Variants in CECR2 observed in about 807,000 individuals in gnomAD.
The protein encoded by CECR2 is chromatin remodeling regulator CECR2.
In CECR2, 30 loss-of-function variants were observed where a neutral mutation model predicts 154.5. The ratio of observed to expected loss-of-function variants is 0.19; its 90% CI spans 0.15 to 0.26. CECR2 has a LOEUF of 0.26. Among genes scored for constraint, CECR2 ranks in the 10% least tolerant of loss-of-function variants. The probability of loss-of-function intolerance (pLI) is 1.00; values close to 1 mark genes in which losing one functional copy is unlikely to be tolerated. For synonymous variants in CECR2, 725 were observed against 683.7 expected, an observed-to-expected ratio of 1.06 and a Z score of -0.94; for missense variants, 1,743 against 1,829.3, an observed-to-expected ratio of 0.95 and a Z score of 0.86.
At chr22:17,516,931 G>A (rs1017744797) in intron 8 of CECR2, among the ~76,000 whole-genome samples, 2 of 148,590 alleles carry the variant, frequency 1.3e-5, no homozygotes, top group Admixed American at 6.7e-5. Flanking sequence ...GTTTTTTTGA[G>A]ACGGAGTCTC....
intron 1 of CECR2, among the ~76,000 whole-genome samples, chr22:17,384,582 T>C (rs1569046372): frequency 6.6e-6 from 1 of 152,196 alleles, no homozygotes; most frequent in Non-Finnish European, 1.5e-5. Context: ...TTCTGAGCAG[T>C]AGGTCTCAAA....
intron 1 of CECR2, among the ~76,000 whole-genome samples, chr22:17,384,609 T>C (rs2063237544): frequency 6.6e-6 from 1 of 152,234 alleles, no homozygotes; most frequent in Non-Finnish European, 1.5e-5. Context: ...CTTAAAATAC[T>C]GACTAAACCA....
At chr22:17,422,602 T>C (rs1380051552) in intron 1 of CECR2, among the ~76,000 whole-genome samples, 2 of 152,214 alleles carry the variant, frequency 1.3e-5, no homozygotes, top group Non-Finnish European at 2.9e-5. Flanking sequence ...TTGTTTTAAA[T>C]ATTTCTTCTC....
At chr22:17,502,044 A>G (rs1284300215) in intron 5 of CECR2, among the ~76,000 whole-genome samples, 3 of 152,240 alleles carry the variant, frequency 2.0e-5, no homozygotes, top group African/African-American at 4.8e-5. Context: ...TCTCATAGAA[A>G]CTTTAATCGA....
chr22:17,505,389 T>C (rs935060353), intron 7 of CECR2, among the ~76,000 whole-genome samples: 8 of 152,074 alleles, frequency 5.3e-5, no homozygotes, highest in East Asian at 1.9e-4. Context: ...GTAGCTCCAT[T>C]GCCAGCCCTT....
At chr22:17,496,679 C>T (rs1242565321) in intron 2 of CECR2, among the ~76,000 whole-genome samples, 1 of 152,176 alleles carries the variant, frequency 6.6e-6, no homozygotes, top group Admixed American at 6.5e-5. Flanking sequence ...GTTAGGCCAA[C>T]TATGCGTTTC....
At chr22:17,454,708 T>C (rs2054827511) in intron 1 of CECR2, among the ~76,000 whole-genome samples, 2 of 152,092 alleles carry the variant, frequency 1.3e-5, no homozygotes, top group Non-Finnish European at 2.9e-5. Flanking sequence ...TAGTATCTTA[T>C]GAATGTGACA....
chr22:17,493,258 T>G (rs966996863), intron 2 of CECR2, among the ~76,000 whole-genome samples: 3 of 152,124 alleles, frequency 2.0e-5, no homozygotes, highest in African/African-American at 7.2e-5. Flanking sequence ...CGGCGTGAGC[T>G]ACTGCGCCCG....
chr22:17,458,486 C>G (rs1452353416), intron 1 of CECR2, among the ~76,000 whole-genome samples: 1 of 148,440 alleles, frequency 6.7e-6, no homozygotes, highest in Non-Finnish European at 1.5e-5. Flanking sequence ...AGTTTTAATA[C>G]GGTGGGTAAA....
At chr22:17,501,258 A>G (rs1443020890) in intron 5 of CECR2, among the ~76,000 whole-genome samples, 1 of 152,132 alleles carries the variant, frequency 6.6e-6, no homozygotes, top group Non-Finnish European at 1.5e-5. Context: ...ACTTAATCTA[A>G]ATGCTTGAGT....
At chr22:17,551,674 G>A (rs1230842950) in intron 17 of CECR2, among the ~76,000 whole-genome samples, 1 of 152,028 alleles carries the variant, frequency 6.6e-6, no homozygotes, top group East Asian at 1.9e-4. Context: ...AGCCAGGCAT[G>A]GTAGCACACA....
intron 9 of CECR2, among the ~76,000 whole-genome samples, chr22:17,528,575 G>GA (rs2056303029): frequency 6.6e-6 from 1 of 150,766 alleles, no homozygotes; most frequent in South Asian, 2.1e-4. Context: ...TCACTCTTTT[G>GA]CCCAGGCTAG....
intron 1 of CECR2, among the ~76,000 whole-genome samples, chr22:17,383,545 A>G (rs1253285332): frequency 6.6e-6 from 1 of 151,936 alleles, no homozygotes; most frequent in Non-Finnish European, 1.5e-5. Flanking sequence ...ATAAGAACCA[A>G]CTCCTTTTAA....
chr22:17,516,537 T>C (rs1452628503), intron 8 of CECR2, among the ~76,000 whole-genome samples: 1 of 152,162 alleles, frequency 6.6e-6, no homozygotes, highest in Non-Finnish European at 1.5e-5. Flanking sequence ...TGATGAATCA[T>C]GGGATGGACT....
Position 17,540,713 on chromosome 22 carries a change from G to A in CECR2, c.1797G>A (p.Arg599=), listed in dbSNP as rs1569152265. The A allele has an allele frequency of 6.2e-7, 1 of 1,613,160 alleles. No homozygotes were observed. The highest frequency in any genetic ancestry group is 8.5e-7 in the Non-Finnish European group (1 of 1,179,488). ...DQSSSSTQPP[R]EVGTSNGRGF... ...GCAGCAGCTCCACACAGCCCCCGCG[G>A]GAGGTGGGCACTTCCAATGGCCGAG... Residue 599 remains arginine, a synonymous_variant, in exon 14 of 19, where the codon CGG becomes CGA. Transcript: ENST00000262608.
intron 1 of CECR2, among the ~76,000 whole-genome samples, chr22:17,364,362 A>AAAAAAAG (rs1491212019): frequency 0.031 from 4,109 of 132,520 alleles, 322 homozygotes; most frequent in African/African-American, 0.062. Context: ...AAAAAAAAAA[A>AAAAAAAG]GAATTTGTGC....
chr22:17,520,397 G>GT (rs940848635), intron 8 of CECR2, among the ~76,000 whole-genome samples: 50 of 147,854 alleles, frequency 3.4e-4, no homozygotes, highest in South Asian at 4.3e-4. Flanking sequence ...CAAGGCTCAG[G>GT]TTTTTTTTTT....
chr22:17,462,370 TA>T (rs367684753), intron 1 of CECR2, among the ~76,000 whole-genome samples: 10 of 145,736 alleles, frequency 6.9e-5, no homozygotes, highest in East Asian at 6.1e-4. Context: ...GAAATAATAA[TA>T]AAAAAAAAAG....
At chr22:17,519,187 C>CTGG (rs929404048) in intron 8 of CECR2, among the ~76,000 whole-genome samples, 2 of 152,184 alleles carry the variant, frequency 1.3e-5, no homozygotes, top group African/African-American at 4.8e-5. Context: ...TGGGCTGAGG[C>CTGG]TGGTGGTGGG....
Sources: allele counts gnomAD v4.1 joint callset (sites outside exome capture counted in the v4.1 genomes callset), GRCh38; gene constraint gnomAD v4.1.1; transcripts MANE v1.5; gene names NCBI Gene and HGNC (gene_info 2026-07-23, HGNC 2026-07-21).